SERF2: variants seen among roughly 807,000 people sequenced by gnomAD.
SERF2 encodes small EDRK-rich factor 2.
In SERF2, 4 loss-of-function variants were observed where a neutral mutation model predicts 10.7. That is an observed-to-expected ratio of 0.37 (90% CI 0.18 to 0.86). The LOEUF (loss-of-function observed/expected upper bound fraction) is 0.86. SERF2 is among the 40% of genes least tolerant of loss of function. The pLI is 0.43. For synonymous variants in SERF2, 26 were observed against 26.0 expected (o/e 1.00, Z 0.01); for missense variants, 47 against 79.1 (o/e 0.59, Z 1.54).
chr15:43,793,461 A>G (rs1355638998), intron 2 of SERF2: 10 of 1,078,804 alleles, frequency 9.3e-6, no homozygotes, highest in Non-Finnish European at 1.3e-5. Flanking sequence ...TGTGGTCCTC[A>G]ATACAGAATA....
At chr15:43,785,211 G>A (rs2086996613) in intron 1 of SERF2, among the ~76,000 whole-genome samples, 1 of 150,502 alleles carries the variant, frequency 6.6e-6, no homozygotes, top group East Asian at 2.0e-4. Flanking sequence ...TGGGATTACA[G>A]GCGCCCACCA....
upstream of SERF2, among the ~76,000 whole-genome samples, chr15:43,790,317 AC>A (rs1330809645): frequency 3.3e-5 from 5 of 152,072 alleles, no homozygotes; most frequent in East Asian, 9.7e-4. Context: ...CTCAAAAAAA[AC>A]CAAAAATTCA....
At chr15:43,792,162 G>T (rs542730796), upstream of SERF2, 1 of 589,040 alleles carries the variant, frequency 1.7e-6, no homozygotes, top group South Asian at 1.9e-5. Flanking sequence ...CACGCTGAGC[G>T]CTCCGCCTGC....
At chr15:43,780,485 C>A (rs1295899309) in intron 1 of SERF2, among the ~76,000 whole-genome samples, 1 of 152,112 alleles carries the variant, frequency 6.6e-6, no homozygotes, top group African/African-American at 2.4e-5. Flanking sequence ...TGTTAAGTAT[C>A]GCCTATCCTA....
intron 2 of SERF2, among the ~76,000 whole-genome samples, chr15:43,785,704 CTTTT>C (rs71415810): frequency 8.2e-6 from 1 of 122,674 alleles, no homozygotes; most frequent in Admixed American, 8.7e-5. Flanking sequence ...TTTTCTTTTT[CTTTT>C]TTTTTTTTTT....
intron 1 of SERF2, among the ~76,000 whole-genome samples, chr15:43,779,474 GA>G (rs1045004245): frequency 3.3e-5 from 5 of 151,608 alleles, no homozygotes; most frequent in African/African-American, 7.3e-5. Context: ...ACTTGGAAGG[GA>G]AAAAAAATTA....
At chr15:43,781,926 T>C (rs1429087704) in intron 1 of SERF2, among the ~76,000 whole-genome samples, 1 of 149,894 alleles carries the variant, frequency 6.7e-6, no homozygotes, top group Admixed American at 6.7e-5. Flanking sequence ...GTTTGCTTTG[T>C]CACCCAGGCT....
rs1449737972 is a variant in SERF2 at position 43,792,976 on chromosome 15, C to T, written c.9C>T (p.Arg3=). 18 of 1,601,758 alleles carry T rather than the reference C, an allele frequency of 1.1e-5. No individual in the cohort carries two copies. The highest frequency in any genetic ancestry group is 5.1e-5 in the Admixed American group (3 of 59,054). The part of the protein sequence containing the change: MT[R]GNQRELARQK... ...TCACCTTTAATTTTCTTTCCTTAGG[C>T]GGTAACCAGCGTGAGCTCGCCCGCC... The change falls in exon 2 of 3, where the codon CGC becomes CGT. Residue 3 remains arginine (R), a splice_region_variant and synonymous_variant. Transcript: ENST00000249786.
Position 43,794,877 on chromosome 15 carries a change from G to T in SERF2, c.*1104G>T. On this transcript the variant is annotated 3_prime_UTR_variant, in exon 3 of 3. Transcript: ENST00000249786. ...ACCACTTCTTCCAGTTCATAGTATT[G>T]ACTTCAGCCCAAACGGAGATAACTC... 1 of 748,950 alleles carries T rather than the reference G, an allele frequency of 1.3e-6. No individual in the cohort carries two copies. Among genetic ancestry groups the T allele is most frequent in the Non-Finnish European group, 2.2e-6 (1 of 450,686 alleles). 46.4% of individuals were successfully genotyped at this position (748,950 alleles called of 1,614,324 possible).
rs1288093253 is a variant in SERF2, at chr15:43,795,503, T to C, written c.*1730T>C. 1 of 1,613,594 alleles carries C rather than the reference T, an allele frequency of 6.2e-7. No homozygotes were observed. The highest frequency in any genetic ancestry group is 8.5e-7 in the Non-Finnish European group (1 of 1,179,872). ...ACTTGGACTGGAGGAGCTGGAGGGG[T>C]TTCTTGGTCAGCTGGCCTCGCAGCC... On this transcript the variant is annotated 3_prime_UTR_variant, in exon 3 of 3. Transcript: ENST00000249786.
intron 1 of SERF2, among the ~76,000 whole-genome samples, chr15:43,778,816 C>T (rs1349030650): frequency 1.3e-5 from 2 of 151,892 alleles, no homozygotes; most frequent in Non-Finnish European, 2.9e-5. Flanking sequence ...GCAGGAGAAT[C>T]GCTTGAGCCC....
chr15:43,795,298 G>C lies in SERF2; in HGVS notation c.*1525G>C. 6.3e-7 allele frequency: 1 copy of C among 1,588,626 alleles called. No individual in the cohort carries two copies. Among genetic ancestry groups the C allele is most frequent in the Admixed American group, 1.7e-5 (1 of 59,698 alleles). Reference sequence around the variant, plus strand: ...TACCTCCTCACCAAATATAATGGCAGACCCATGTGTGTCTGGAATGGCCTT... The same window carrying C: ...TACCTCCTCACCAAATATAATGGCACACCCATGTGTGTCTGGAATGGCCTT... On this transcript the variant is annotated 3_prime_UTR_variant, in exon 3 of 3. Transcript: ENST00000249786.
In SERF2 at chr15:43,795,457, T is replaced by C. The variant is rs2087188595; in HGVS notation, c.*1684T>C. ...GAAGAAGACGAAGTGGAAGGCAGAA[T>C]AGTTGTAGGAAAGATGCTGGACTTG... On this transcript the variant is annotated 3_prime_UTR_variant, in exon 3 of 3. Coordinates refer to ENST00000249786, the MANE Select transcript of SERF2 (RefSeq NM_001018108.4). 1.9e-6 allele frequency: 3 copies of C among 1,614,034 alleles called. No individual in the cohort carries two copies.
At chr15:43,789,724 T>C (rs2087037030), upstream of SERF2, among the ~76,000 whole-genome samples, 1 of 152,058 alleles carries the variant, frequency 6.6e-6, no homozygotes, top group African/African-American at 2.4e-5. Context: ...TTTTCATATA[T>C]AGGCTGGGCA....
chr15:43,787,585 C>T (rs911016820), upstream of SERF2, among the ~76,000 whole-genome samples: 6 of 152,038 alleles, frequency 3.9e-5, no homozygotes, highest in African/African-American at 7.2e-5. Flanking sequence ...TTAGTAGAGA[C>T]GGGGGTTTTA....
chr15:43,792,106 A>G (rs1002220121), upstream of SERF2: 1 of 535,556 alleles, frequency 1.9e-6, no homozygotes, highest in Admixed American at 3.1e-5. Flanking sequence ...GACCCGGCCT[A>G]GTTTCTCCAG....
At chr15:43,790,861 T>G (rs965949081), upstream of SERF2, among the ~76,000 whole-genome samples, 9 of 150,758 alleles carry the variant, frequency 6.0e-5, no homozygotes, top group African/African-American at 2.2e-4. Flanking sequence ...GCTCCTGGGT[T>G]CACACGGTTC....
chr15:43,785,033 G>A (rs557686177), intron 1 of SERF2, among the ~76,000 whole-genome samples: 9 of 150,854 alleles, frequency 6.0e-5, no homozygotes, highest in African/African-American at 1.7e-4. Context: ...GATTACAGGC[G>A]TGAGCCACTG....
At chr15:43,786,186 C>A (rs964250704) in intron 2 of SERF2, among the ~76,000 whole-genome samples, 3 of 151,866 alleles carry the variant, frequency 2.0e-5, no homozygotes, top group Non-Finnish European at 1.5e-5. Context: ...GAGGCTGAGG[C>A]AGGCAGATCA....
Sources: allele counts gnomAD v4.1 joint callset (sites outside exome capture counted in the v4.1 genomes callset), GRCh38; gene constraint gnomAD v4.1.1; transcripts MANE v1.5; gene names NCBI Gene and HGNC (gene_info 2026-07-23, HGNC 2026-07-21).